Variants in ARID4B observed in about 807,000 individuals in gnomAD.
ARID4B encodes AT-rich interactive domain-containing protein 4B.
In ARID4B, 26 loss-of-function variants were observed where a neutral mutation model predicts 147.5. The observed-to-expected ratio is 0.18, with a 90% CI of 0.13 to 0.24. ARID4B has a LOEUF of 0.24. Ranked by LOEUF, ARID4B falls within the 10% of genes least tolerant of loss-of-function variation. The pLI, the probability that ARID4B is intolerant of heterozygous loss-of-function variation, is 1.00. For missense variants in ARID4B, 1,179 were observed against 1,511.5 expected (o/e 0.78, Z 3.65); for synonymous variants, 512 against 507.9 (o/e 1.01, Z -0.11).
chr1:235,260,503 A>G, intron 3 of ARID4B, 139 bp downstream of exon 3: 1 of 554,404 alleles, frequency 1.8e-6, no homozygotes, highest in Non-Finnish European at 3.1e-6. Context: ...AATAACAAAA[A>G]ATGCTTTGTT....
rs754759074 is a variant in ARID4B at position 235,219,918 on chromosome 1, T to C, written c.1458A>G (p.Glu486=). ...CTGGTTTTTTAATGTTAACTTCTTT[T>C]TCCTGATCAGAATGTGTAGGTATAG... The part of the protein sequence containing the change: ...LESIPTHSDQ[E]KEVNIKKPED... Residue 486 remains glutamate, a synonymous_variant, in exon 16 of 24, where the codon GAA becomes GAG. Coordinates refer to ENST00000264183, the MANE Select transcript of ARID4B (RefSeq NM_016374.6). 2 of 1,589,658 alleles carry C rather than the reference T, an allele frequency of 1.3e-6. No homozygotes were observed. Among genetic ancestry groups the C allele is most frequent in the East Asian group, 4.5e-5 (2 of 44,522 alleles).
intron 17 of ARID4B, among the ~76,000 whole-genome samples, chr1:235,207,138 T>C (rs1284728666): frequency 6.6e-6 from 1 of 152,220 alleles, no homozygotes; most frequent in African/African-American, 2.4e-5. Flanking sequence ...ATGAAGTGTG[T>C]AGAAATGTTT....
At position 235,208,375 on chromosome 1, in the gene ARID4B, A is replaced by G. The variant is rs1461178688; in HGVS notation, c.1841+5394T>C. 3.3e-5 allele frequency among the ~76,000 whole-genome samples: 5 copies of G among 152,198 alleles called. No individual in the cohort carries two copies. The East Asian group carries it at 9.6e-4, about 29-fold the overall frequency. ...TTCTCTATAAAATATTAACATCACT[A>G]AGAAAAGTTAAATAGAGAGCCTACT... is the stretch of plus-strand genomic sequence containing the variant. On this transcript the variant is annotated intron_variant, in intron 17 of 23. Transcript: ENST00000264183.
At chr1:235,196,145 G>A in intron 17 of ARID4B, 30 bp from the exon 18 acceptor site, 1 of 1,165,984 alleles carries the variant, frequency 8.6e-7, no homozygotes, top group Non-Finnish European at 1.2e-6. Flanking sequence ...ATATAAATAT[G>A]TACAATATAT....
At chr1:235,202,400 G>GTATA (rs1315930096) in intron 17 of ARID4B, among the ~76,000 whole-genome samples, 1 of 150,898 alleles carries the variant, frequency 6.6e-6, no homozygotes, top group Non-Finnish European at 1.5e-5. Context: ...TATTTCCAAG[G>GTATA]TATATATATG....
chr1:235,253,221 T>A (rs1274764118), intron 5 of ARID4B, among the ~76,000 whole-genome samples: 1 of 152,158 alleles, frequency 6.6e-6, no homozygotes, highest in Non-Finnish European at 1.5e-5. Flanking sequence ...TTTAAAAAAA[T>A]AACTGTATTT....
chr1:235,171,305 C>T (rs536980729), intron 23 of ARID4B, among the ~76,000 whole-genome samples: 6 of 152,032 alleles, frequency 3.9e-5, no homozygotes, highest in East Asian at 2.0e-4. Flanking sequence ...CGTGGCAGCA[C>T]GCTTGTAATC....
rs897232670 is a variant in ARID4B, at chr1:235,182,255, A to C, written c.2664T>G (p.Ser888=). The change falls in exon 20 of 24, where the codon TCT becomes TCG. Residue 888 remains serine (S), a synonymous_variant. Transcript: ENST00000264183. ...CTGAATAGAAACCAGTTGTCCGTAG[A>C]GATTTTCTTTTTTCCTCCAAACCAT... ...KYNGLEEKRK[S]LRTTGFYSGF... is the part of the protein sequence containing the mutation. The C allele has an allele frequency of 1.2e-6, 2 of 1,612,640 alleles. No homozygotes were observed. The highest frequency in any genetic ancestry group is 1.7e-6 in the Non-Finnish European group (2 of 1,179,732).
chr1:235,179,576 A>G (rs917856328), intron 20 of ARID4B, among the ~76,000 whole-genome samples: 2 of 150,774 alleles, frequency 1.3e-5, no homozygotes, highest in African/African-American at 2.4e-5. Flanking sequence ...AAAAACACCA[A>G]TTATTTCTAA....
intron 2 of ARID4B, among the ~76,000 whole-genome samples, chr1:235,300,550 T>A (rs1053005860): frequency 6.6e-6 from 1 of 152,222 alleles, no homozygotes. Context: ...AGTGCTATCA[T>A]GAAGATTAAA....
chr1:235,194,644 A>C (rs1452431038), intron 18 of ARID4B, among the ~76,000 whole-genome samples: 1 of 152,150 alleles, frequency 6.6e-6, no homozygotes, highest in Non-Finnish European at 1.5e-5. Flanking sequence ...AACATGGAGA[A>C]ACCCCGTCTC....
chr1:235,231,994 C>G (rs1572036773), intron 9 of ARID4B, among the ~76,000 whole-genome samples: 1 of 152,178 alleles, frequency 6.6e-6, no homozygotes, highest in South Asian at 2.1e-4. Context: ...GTGGCATGTG[C>G]CTGTAGTCCC....
chr1:235,231,741 G>A (rs1353542536), intron 9 of ARID4B, among the ~76,000 whole-genome samples: 4 of 152,170 alleles, frequency 2.6e-5, no homozygotes, highest in Non-Finnish European at 5.9e-5. Context: ...ACCCACCTCA[G>A]TCTCCCAAAG....
At position 235,223,280 on chromosome 1, in the gene ARID4B, C is replaced by A; in HGVS notation, c.971-20G>T. The stretch of plus-strand genomic sequence containing the variant: ...GTGTACCTGTTACAGAAAACACAAA[C>A]TATATTAGATCCACACTACATTTTT... On this transcript the variant is annotated intron_variant, in intron 12 of 23. Coordinates refer to ENST00000264183, the MANE Select transcript of ARID4B (RefSeq NM_016374.6). The A allele has an allele frequency of 7.5e-7, 1 of 1,340,330 alleles. No individual in the cohort carries two copies. Among genetic ancestry groups the A allele is most frequent in the Non-Finnish European group, 1.0e-6 (1 of 975,646 alleles). 83.0% of individuals were successfully genotyped at this position (1,340,330 alleles called of 1,614,324 possible). A position where few individuals can be genotyped will look rare whatever the true frequency, so the allele number is the denominator to read the frequency against.
At chr1:235,190,681 A>G (rs917849711) in intron 19 of ARID4B, among the ~76,000 whole-genome samples, 17 of 152,256 alleles carry the variant, frequency 1.1e-4, no homozygotes, top group Admixed American at 9.8e-4. Flanking sequence ...AGATATTTAA[A>G]TGCAGCCAAT....
chr1:235,246,281 G>T, intron 7 of ARID4B, 139 bp downstream of exon 7: 1 of 673,618 alleles, frequency 1.5e-6, no homozygotes, highest in Non-Finnish European at 2.6e-6. Flanking sequence ...ATGCTGAGGA[G>T]TCTGAAATTA....
At chr1:235,283,503 T>C (rs1671790490) in intron 2 of ARID4B, among the ~76,000 whole-genome samples, 1 of 152,210 alleles carries the variant, frequency 6.6e-6, no homozygotes, top group African/African-American at 2.4e-5. Context: ...AGTGATCTTT[T>C]TCCTACCTGA....
chr1:235,289,358 T>C lies in ARID4B; in HGVS notation c.7-28606A>G, dbSNP rs369570658. On this transcript the variant is annotated intron_variant, in intron 2 of 23. Coordinates refer to ENST00000264183, the MANE Select transcript of ARID4B (RefSeq NM_016374.6). ...AAATGACAAACTCTACAAAAAGTTA[T>C]TTATAATTCACATCACTAAAGAGCT... 1.1e-4 allele frequency among the ~76,000 whole-genome samples: 16 copies of C among 152,312 alleles called. 1 individual carries two copies. The South Asian group carries it at 2.7e-3, about 26-fold the overall frequency.
chr1:235,176,119 A>G (rs1663849254), intron 21 of ARID4B, among the ~76,000 whole-genome samples: 1 of 152,134 alleles, frequency 6.6e-6, no homozygotes. Context: ...TCTGGATACA[A>G]AGTATTAGTT....
Sources: gnomAD v4.1 joint callset for allele counts (sites outside exome capture counted in the v4.1 genomes callset) on GRCh38, gnomAD v4.1.1 for gene constraint, MANE v1.5 for transcripts, NCBI Gene and HGNC (gene_info 2026-07-23, HGNC 2026-07-21) for gene names.